RBFOX1: variants seen among roughly 807,000 people sequenced by gnomAD.
The protein encoded by RBFOX1 is RNA binding fox-1 homolog 1.
A neutral mutation model predicts 57.7 loss-of-function variants in RBFOX1; 8 were observed. The observed-to-expected ratio is 0.14, with a 90% CI of 0.08 to 0.25. The LOEUF is 0.25. RBFOX1 is among the 10% of genes least tolerant of loss of function. The probability of loss-of-function intolerance (pLI) is 1.00; values close to 1 mark genes in which losing one functional copy is unlikely to be tolerated. For missense variants in RBFOX1, 611 were observed against 548.5 expected (o/e 1.11, Z -1.14); for synonymous variants, 326 against 222.4 (o/e 1.47, Z -4.15).
At chr16:6,724,479 A>G (rs1431383576) in intron 3 of RBFOX1, among the ~76,000 whole-genome samples, 1 of 152,108 alleles carries the variant, frequency 6.6e-6, no homozygotes, top group African/African-American at 2.4e-5. Context: ...AAGTGCTGGG[A>G]TTAAAGGCAT....
intron 2 of RBFOX1, among the ~76,000 whole-genome samples, chr16:6,638,369 C>G (rs759727183): frequency 5.3e-5 from 8 of 151,992 alleles, no homozygotes; most frequent in Non-Finnish European, 1.0e-4. Flanking sequence ...TTCATTTTTT[C>G]TTCCTTATTT....
intron 1 of RBFOX1, among the ~76,000 whole-genome samples, chr16:5,290,451 A>G (rs879515044): frequency 2.0e-5 from 3 of 152,208 alleles, no homozygotes; most frequent in African/African-American, 4.8e-5. Flanking sequence ...AAAATGTTTT[A>G]AAATTGATCC....
At chr16:7,396,343 C>T (rs984448929) in intron 4 of RBFOX1, among the ~76,000 whole-genome samples, 5 of 152,150 alleles carry the variant, frequency 3.3e-5, no homozygotes, top group South Asian at 2.1e-4. Flanking sequence ...ACCTCAGTTA[C>T]AAGCGGATTC....
At chr16:7,567,686 G>T (rs372390271) in intron 5 of RBFOX1, among the ~76,000 whole-genome samples, 18 of 113,374 alleles carry the variant, frequency 1.6e-4, no homozygotes, top group South Asian at 5.6e-4. Context: ...GCCCTATATA[G>T]ATATATATCC....
intron 3 of RBFOX1, among the ~76,000 whole-genome samples, chr16:5,746,602 T>C (rs1567483228): frequency 6.6e-6 from 1 of 152,206 alleles, no homozygotes; most frequent in Non-Finnish European, 1.5e-5. Context: ...GTTTGTGTCC[T>C]CTTTTATTTC....
At chr16:5,391,824 A>G (rs939896054) in intron 1 of RBFOX1, among the ~76,000 whole-genome samples, 2 of 151,496 alleles carry the variant, frequency 1.3e-5, no homozygotes, top group Non-Finnish European at 2.9e-5. Context: ...GTGTGTGTAT[A>G]TATATACACA....
intron 3 of RBFOX1, among the ~76,000 whole-genome samples, chr16:5,835,285 T>C (rs942387281): frequency 1.3e-5 from 2 of 152,116 alleles, no homozygotes; most frequent in Non-Finnish European, 2.9e-5. Flanking sequence ...AGGGAAGCCA[T>C]GCGTCCCACC....
chr16:7,600,311 C>T (rs1438158784), intron 9 of RBFOX1, among the ~76,000 whole-genome samples: 1 of 152,138 alleles, frequency 6.6e-6, no homozygotes, highest in Non-Finnish European at 1.5e-5. Context: ...TATATAAAGA[C>T]TTTGGCTTCT....
intron 4 of RBFOX1, among the ~76,000 whole-genome samples, chr16:7,505,185 T>G (rs1289016222): frequency 6.7e-6 from 1 of 149,396 alleles, no homozygotes; most frequent in Admixed American, 6.7e-5. Flanking sequence ...GTGTGTGTGC[T>G]CGCATGTGTG....
chr16:6,384,060 C>CTTTTTTTTTTTTTTT (rs5815305), intron 2 of RBFOX1, among the ~76,000 whole-genome samples: 1 of 126,640 alleles, frequency 7.9e-6, no homozygotes, highest in Non-Finnish European at 1.7e-5. Flanking sequence ...ATTGGTTTTG[C>CTTTTTTTTTTTTTTT]TTTTTTTTTT....
At chr16:6,977,119 T>C (rs559725433) in intron 3 of RBFOX1, among the ~76,000 whole-genome samples, 13 of 139,646 alleles carry the variant, frequency 9.3e-5, no homozygotes, top group African/African-American at 3.5e-4. Flanking sequence ...ATGATCTATA[T>C]TATCATATAT....
intron 3 of RBFOX1, among the ~76,000 whole-genome samples, chr16:6,887,489 T>C (rs1449923413): frequency 6.6e-6 from 1 of 152,186 alleles, no homozygotes; most frequent in East Asian, 1.9e-4. Context: ...GCTTTTTCTA[T>C]CCCTGGAATC....
chr16:5,640,565 A>G (rs1358986394), intron 3 of RBFOX1, among the ~76,000 whole-genome samples: 4 of 151,840 alleles, frequency 2.6e-5, no homozygotes, highest in African/African-American at 4.8e-5. Context: ...CCATGCATAC[A>G]TATGCACACA....
At chr16:6,157,675 T>C (rs1243655294) in intron 1 of RBFOX1, among the ~76,000 whole-genome samples, 1 of 152,198 alleles carries the variant, frequency 6.6e-6, no homozygotes, top group Non-Finnish European at 1.5e-5. Context: ...ACAAGTTATA[T>C]ATATATGCCC....
chr16:6,611,100 C>A (rs2098043381), intron 2 of RBFOX1, among the ~76,000 whole-genome samples: 1 of 152,114 alleles, frequency 6.6e-6, no homozygotes, highest in African/African-American at 2.4e-5. Flanking sequence ...AACAGGAACC[C>A]ATAAATGGTT....
chr16:7,265,972 T>G (rs1216721045), intron 4 of RBFOX1, among the ~76,000 whole-genome samples: 27 of 135,116 alleles, frequency 2.0e-4, no homozygotes, highest in South Asian at 2.6e-4. Context: ...TTGTTTTTTT[T>G]TTTTTTTTTT....
At chr16:6,242,269 A>T (rs1346384451) in intron 1 of RBFOX1, among the ~76,000 whole-genome samples, 1 of 152,216 alleles carries the variant, frequency 6.6e-6, no homozygotes, top group African/African-American at 2.4e-5. Context: ...ACAGGATCAT[A>T]TCCAAGCTCA....
chr16:7,436,050 A>G (rs1567157537), intron 4 of RBFOX1, among the ~76,000 whole-genome samples: 1 of 152,174 alleles, frequency 6.6e-6, no homozygotes, highest in Non-Finnish European at 1.5e-5. Context: ...CTCCCTGAAC[A>G]TCGTGAGAAT....
intron 2 of RBFOX1, among the ~76,000 whole-genome samples, chr16:6,366,143 G>T (rs2089574862): frequency 6.6e-6 from 1 of 151,116 alleles, no homozygotes; most frequent in Admixed American, 6.6e-5. Context: ...CTGTATCTAT[G>T]TCTGTATCTA....
Sources: gnomAD v4.1 joint callset for allele counts (sites outside exome capture counted in the v4.1 genomes callset) on GRCh38, gnomAD v4.1.1 for gene constraint, MANE v1.5 for transcripts, NCBI Gene and HGNC (gene_info 2026-07-23, HGNC 2026-07-21) for gene names.